AKT3: variants seen among roughly 807,000 people sequenced by gnomAD.
AKT3 encodes the protein AKT serine/threonine kinase 3, also known as RAC-gamma serine/threonine-protein kinase.
In AKT3, 15 loss-of-function variants were observed where a neutral mutation model predicts 65.3. That is an observed-to-expected ratio of 0.23 (90% CI 0.15 to 0.35). The LOEUF is 0.35. AKT3 is among the 10% of genes least tolerant of loss of function. AKT3 has a pLI of 1.00. For missense variants in AKT3, 243 were observed against 576.5 expected, an observed-to-expected ratio of 0.42 and a Z score of 5.92; for synonymous variants, 206 against 183.8, an observed-to-expected ratio of 1.12 and a Z score of -0.98.
chr1:243,666,215 G>T (rs574225314), intron 3 of AKT3, among the ~76,000 whole-genome samples: 61 of 152,190 alleles, frequency 4.0e-4, no homozygotes, highest in Non-Finnish European at 7.4e-4. Flanking sequence ...TGTTGGCCAA[G>T]CTGATCTCGA....
At chr1:243,760,522 T>C (rs1689424917) in intron 2 of AKT3, among the ~76,000 whole-genome samples, 1 of 152,136 alleles carries the variant, frequency 6.6e-6, no homozygotes, top group African/African-American at 2.4e-5. Flanking sequence ...CAAATTCACC[T>C]ACTCACCTAA....
chr1:243,626,400 C>T (rs1196356459), intron 6 of AKT3, among the ~76,000 whole-genome samples: 7 of 152,184 alleles, frequency 4.6e-5, no homozygotes, highest in Non-Finnish European at 2.9e-5. Flanking sequence ...ATGGGAGCGC[C>T]TCTTAGTCCC....
At chr1:243,677,500 T>C (rs1683601318) in intron 3 of AKT3, among the ~76,000 whole-genome samples, 3 of 152,006 alleles carry the variant, frequency 2.0e-5, no homozygotes, top group Admixed American at 2.0e-4. Context: ...TCTCATAAAA[T>C]GTATATTTAT....
chr1:243,583,182 A>G (rs920903141), intron 8 of AKT3, among the ~76,000 whole-genome samples: 2 of 117,132 alleles, frequency 1.7e-5, no homozygotes, highest in African/African-American at 2.9e-5. Context: ...ATATATATAT[A>G]TATATATATA....
chr1:243,787,092 T>A (rs994739014), intron 2 of AKT3, among the ~76,000 whole-genome samples: 1 of 152,208 alleles, frequency 6.6e-6, no homozygotes, highest in Non-Finnish European at 1.5e-5. Flanking sequence ...CCCAGAGTGG[T>A]TGGTGTGGAA....
At chr1:243,646,414 G>A (rs1680821134) in intron 4 of AKT3, among the ~76,000 whole-genome samples, 1 of 151,570 alleles carries the variant, frequency 6.6e-6, no homozygotes, top group African/African-American at 2.4e-5. Flanking sequence ...GAGTTCAATA[G>A]CATGATCTCA....
At chr1:243,753,937 C>T (rs1016746377) in intron 2 of AKT3, among the ~76,000 whole-genome samples, 1 of 152,146 alleles carries the variant, frequency 6.6e-6, no homozygotes, top group Non-Finnish European at 1.5e-5. Context: ...CATAGGTTAG[C>T]GCTTAATGTA....
At chr1:243,610,143 T>A (rs1179522743) in intron 8 of AKT3, among the ~76,000 whole-genome samples, 1 of 152,214 alleles carries the variant, frequency 6.6e-6, no homozygotes, top group Non-Finnish European at 1.5e-5. Flanking sequence ...CTCTCCTAAA[T>A]TTACACTTTC....
chr1:243,527,915 A>AT (rs1284574986), intron 12 of AKT3, among the ~76,000 whole-genome samples: 2 of 98,146 alleles, frequency 2.0e-5, no homozygotes, highest in African/African-American at 9.5e-5. Context: ...ACACACACAC[A>AT]CACACACACA....
At chr1:243,776,517 A>G (rs1371955013) in intron 2 of AKT3, among the ~76,000 whole-genome samples, 1 of 152,172 alleles carries the variant, frequency 6.6e-6, no homozygotes, top group African/African-American at 2.4e-5. Context: ...AGAAGCCAGA[A>G]AGAGAGCCCT....
chr1:243,719,206 G>C (rs1408606713), intron 2 of AKT3, among the ~76,000 whole-genome samples: 1 of 152,118 alleles, frequency 6.6e-6, no homozygotes, highest in Non-Finnish European at 1.5e-5. Context: ...AAAACCGATA[G>C]TGTTTAAATC....
chr1:243,532,392 AT>A (rs1182485621), intron 12 of AKT3, among the ~76,000 whole-genome samples: 2 of 152,030 alleles, frequency 1.3e-5, no homozygotes, highest in African/African-American at 4.8e-5. Context: ...ATTTTGTCAA[AT>A]GCTGCCCATC....
intron 3 of AKT3, among the ~76,000 whole-genome samples, chr1:243,680,603 A>G (rs1236930206): frequency 6.6e-6 from 1 of 152,176 alleles, no homozygotes; most frequent in Non-Finnish European, 1.5e-5. Flanking sequence ...AAATTAAAAT[A>G]AAGATATAGG....
At chr1:243,775,552 G>A (rs1690495222) in intron 2 of AKT3, among the ~76,000 whole-genome samples, 1 of 152,038 alleles carries the variant, frequency 6.6e-6, no homozygotes, top group Non-Finnish European at 1.5e-5. Context: ...CCCACCTGTG[G>A]GATCCACCAA....
chr1:243,834,468 C>A (rs1172274262), intron 2 of AKT3, among the ~76,000 whole-genome samples: 1 of 152,072 alleles, frequency 6.6e-6, no homozygotes, highest in Non-Finnish European at 1.5e-5. Flanking sequence ...TACACATGGA[C>A]AATGTATACT....
At chr1:243,711,681 T>C (rs1221782819) in intron 2 of AKT3, among the ~76,000 whole-genome samples, 2 of 152,336 alleles carry the variant, frequency 1.3e-5, no homozygotes, top group East Asian at 3.9e-4. Flanking sequence ...CAAGACATTC[T>C]AAATATATTA....
chr1:243,756,700 C>T (rs552072897), intron 2 of AKT3, among the ~76,000 whole-genome samples: 66 of 152,072 alleles, frequency 4.3e-4, no homozygotes, highest in Non-Finnish European at 4.0e-4. Context: ...AGGCAAGAAA[C>T]ATCAATAAAT....
chr1:243,738,585 A>G (rs1687970096), intron 2 of AKT3, among the ~76,000 whole-genome samples: 2 of 152,174 alleles, frequency 1.3e-5, no homozygotes, highest in African/African-American at 4.8e-5. Context: ...TCAAATTTGA[A>G]AATGTTTAGA....
intron 2 of AKT3, among the ~76,000 whole-genome samples, chr1:243,720,113 G>T (rs980636025): frequency 2.6e-5 from 4 of 151,996 alleles, no homozygotes; most frequent in African/African-American, 7.2e-5. Context: ...AGGAGGTCAA[G>T]ACCAGCCTGA....
Sources: gnomAD v4.1 joint callset for allele counts (sites outside exome capture counted in the v4.1 genomes callset) on GRCh38, gnomAD v4.1.1 for gene constraint, MANE v1.5 for transcripts, NCBI Gene and HGNC (gene_info 2026-07-23, HGNC 2026-07-21) for gene names.